UBAC2: variants seen among roughly 807,000 people sequenced by gnomAD.
UBAC2 encodes the protein UBA domain containing 2.
UBAC2 carries 26 observed loss-of-function variants against 44.0 expected under a neutral mutation model. The observed-to-expected ratio is 0.59, with a 90% CI of 0.43 to 0.82. The LOEUF (loss-of-function observed/expected upper bound fraction) is 0.82. Ranked by LOEUF, UBAC2 falls within the 40% of genes least tolerant of loss-of-function variation. The pLI is 0.00. For missense variants in UBAC2, 329 were observed against 419.4 expected (o/e 0.78, Z 1.88); for synonymous variants, 155 against 154.3 (o/e 1.00, Z -0.04).
chr13:99,319,477 C>T (rs555907591), intron 6 of UBAC2, among the ~76,000 whole-genome samples: 24 of 152,282 alleles, frequency 1.6e-4, no homozygotes, highest in Non-Finnish European at 2.8e-4. Flanking sequence ...TGTACGCCTG[C>T]TTACCCCTCT....
chr13:99,247,803 C>G (rs1296816021), intron 4 of UBAC2, among the ~76,000 whole-genome samples: 8 of 151,958 alleles, frequency 5.3e-5, no homozygotes, highest in Admixed American at 4.6e-4. Flanking sequence ...TAATATTTTT[C>G]TTTCCCATCA....
intron 1 of UBAC2, among the ~76,000 whole-genome samples, chr13:99,236,180 C>T (rs532421929): frequency 2.0e-5 from 3 of 152,286 alleles, no homozygotes; most frequent in Admixed American, 6.5e-5. Flanking sequence ...AAAGCACAGA[C>T]AGCCAAAGGA....
chr13:99,247,872 TC>T (rs1378451406), intron 4 of UBAC2, among the ~76,000 whole-genome samples: 2 of 96,144 alleles, frequency 2.1e-5, no homozygotes, highest in African/African-American at 2.8e-5. Flanking sequence ...TCTCTCTCTC[TC>T]TTTTTTTTTT....
intron 4 of UBAC2, among the ~76,000 whole-genome samples, chr13:99,291,442 A>G (rs2044088071): frequency 6.6e-6 from 1 of 152,138 alleles, no homozygotes; most frequent in Non-Finnish European, 1.5e-5. Context: ...ATAGTCAGTG[A>G]GCAAATATTT....
intron 8 of UBAC2, among the ~76,000 whole-genome samples, chr13:99,369,798 A>G (rs1295840827): frequency 6.6e-6 from 1 of 152,250 alleles, no homozygotes; most frequent in African/African-American, 2.4e-5. Context: ...AAGAATTATT[A>G]TGTTCATATC....
chr13:99,264,729 G>A (rs537847318), intron 4 of UBAC2, among the ~76,000 whole-genome samples: 1 of 152,316 alleles, frequency 6.6e-6, no homozygotes, highest in Admixed American at 6.5e-5. Context: ...TCTTTGCATT[G>A]CAGAGAGTAT....
At chr13:99,383,661 A>G (rs2045579868) in intron 8 of UBAC2, among the ~76,000 whole-genome samples, 1 of 152,264 alleles carries the variant, frequency 6.6e-6, no homozygotes, top group African/African-American at 2.4e-5. Context: ...GTTGAAAGCA[A>G]CGTTCCGGGG....
In UBAC2 at chr13:99,340,484, G is replaced by C. The variant is rs2044869234; in HGVS notation, c.726G>C (p.Gln242His). Reference protein sequence around the residue: ...RIGMGATLDIQRQQRMELLDR... With the variant: ...RIGMGATLDIHRQQRMELLDR... ...GGATGGGAGCCACGCTGGACATCCA[G>C]AGACAGCAGAGAATGGAGCTGCTGG... is the stretch of plus-strand genomic sequence containing the variant. The change falls in exon 7 of 9, where the codon CAG becomes CAC. Residue 242 changes from glutamine to histidine, a missense_variant. Gln to His is a conservative substitution (Grantham distance 24). Transcript: ENST00000403766. The C allele has an allele frequency of 1.9e-5, 31 of 1,614,082 alleles. No individual in the cohort carries two copies. The highest frequency in any genetic ancestry group is 2.6e-5 in the Non-Finnish European group (31 of 1,180,042).
At chr13:99,329,028 T>C (rs2044678019) in intron 6 of UBAC2, among the ~76,000 whole-genome samples, 1 of 152,242 alleles carries the variant, frequency 6.6e-6, no homozygotes, top group Non-Finnish European at 1.5e-5. Context: ...TCCACACAGA[T>C]ACTCATTTGT....
In UBAC2 at chr13:99,227,209, A is replaced by AC. The variant is rs1428194072; in HGVS notation, c.32-11218_32-11217insC. On this transcript the variant is annotated intron_variant, in intron 1 of 8. Transcript: ENST00000403766. ...GCGAAACTCCATCTCAAAAAAAAAA[A>AC]AACAACAAAAAAAGACGGCACCCCT... Among the ~76,000 whole-genome samples, 8 of 151,636 alleles carry AC rather than the reference A, an allele frequency of 5.3e-5. No individual in the cohort carries two copies. The East Asian group carries it at 5.8e-4, about 11-fold the overall frequency.
chr13:99,254,597 T>C (rs1220976570), intron 4 of UBAC2: 1 of 246,646 alleles, frequency 4.1e-6, no homozygotes, highest in Non-Finnish European at 7.7e-6. Context: ...GGTAGCTCGA[T>C]TTCCCCCCTA....
intron 4 of UBAC2, among the ~76,000 whole-genome samples, chr13:99,312,256 A>G (rs1394156034): frequency 6.6e-6 from 1 of 152,240 alleles, no homozygotes; most frequent in Non-Finnish European, 1.5e-5. Context: ...AAATGGCACC[A>G]AGGACAGTTC....
intron 1 of UBAC2, among the ~76,000 whole-genome samples, chr13:99,201,865 A>T (rs1020397855): frequency 6.6e-6 from 1 of 151,954 alleles, no homozygotes; most frequent in Non-Finnish European, 1.5e-5. Flanking sequence ...AGGTCAGGAG[A>T]TCGAGACCAT....
At chr13:99,372,890 G>T (rs568514543) in intron 8 of UBAC2, among the ~76,000 whole-genome samples, 1 of 152,074 alleles carries the variant, frequency 6.6e-6, no homozygotes, top group African/African-American at 2.4e-5. Context: ...TGAGGCGGAC[G>T]GATCACGAGG....
At chr13:99,234,664 C>T (rs1402728160) in intron 1 of UBAC2, among the ~76,000 whole-genome samples, 1 of 152,198 alleles carries the variant, frequency 6.6e-6, no homozygotes, top group African/African-American at 2.4e-5. Flanking sequence ...AGGTCCTTTC[C>T]CTTCTCATAG....
chr13:99,367,400 A>C (rs903310816), intron 7 of UBAC2, among the ~76,000 whole-genome samples: 1 of 152,212 alleles, frequency 6.6e-6, no homozygotes, highest in Non-Finnish European at 1.5e-5. Flanking sequence ...CCTCGTCTCC[A>C]TGCCTTCCTT....
intron 7 of UBAC2, among the ~76,000 whole-genome samples, chr13:99,350,670 AT>A (rs1349425132): frequency 6.6e-6 from 1 of 152,230 alleles, no homozygotes; most frequent in Non-Finnish European, 1.5e-5. Context: ...AAATGGGTAG[AT>A]GTCAGTGTTT....
intron 1 of UBAC2, among the ~76,000 whole-genome samples, chr13:99,237,256 A>G (rs1160683252): frequency 3.2e-4 from 37 of 115,026 alleles, no homozygotes; most frequent in Non-Finnish European, 3.9e-4. Context: ...TTTTATGCGT[A>G]TATATATATA....
At chr13:99,366,382 A>G (rs1055614156) in intron 7 of UBAC2, among the ~76,000 whole-genome samples, 1 of 152,154 alleles carries the variant, frequency 6.6e-6, no homozygotes, top group Non-Finnish European at 1.5e-5. Context: ...TTAACTATAA[A>G]TCCCATGTAA....
Sources: gnomAD v4.1 joint callset for allele counts (sites outside exome capture counted in the v4.1 genomes callset) on GRCh38, gnomAD v4.1.1 for gene constraint, MANE v1.5 for transcripts, NCBI Gene and HGNC (gene_info 2026-07-23, HGNC 2026-07-21) for gene names.